COL8A1: variants seen among roughly 807,000 people sequenced by gnomAD.
COL8A1 encodes collagen alpha-1(VIII) chain.
Under a neutral mutation model 42.7 loss-of-function variants are expected in COL8A1, and 21 were observed. The ratio of observed to expected loss-of-function variants is 0.49; its 90% CI spans 0.35 to 0.71. The LOEUF (loss-of-function observed/expected upper bound fraction) is 0.71. Ranked by LOEUF, COL8A1 falls within the 30% of genes least tolerant of loss-of-function variation. The pLI is 0.01. For missense variants in COL8A1, 788 were observed against 962.4 expected, an observed-to-expected ratio of 0.82 and a Z score of 2.40; for synonymous variants, 367 against 369.1, an observed-to-expected ratio of 0.99 and a Z score of 0.06.
intron 1 of COL8A1, among the ~76,000 whole-genome samples, chr3:99,672,497 A>C (rs114133825): frequency 0.013 from 1,928 of 151,658 alleles, 38 homozygotes; most frequent in African/African-American, 0.043. Context: ...AAATTTTATA[A>C]AACATTTTCT....
intron 2 of COL8A1, among the ~76,000 whole-genome samples, chr3:99,770,927 GC>G (rs1318742912): frequency 1.3e-5 from 2 of 152,206 alleles, no homozygotes; most frequent in African/African-American, 4.8e-5. Context: ...TTTGCGCACT[GC>G]CTTCGCCAGA....
chr3:99,757,573 T>C (rs969157776), intron 2 of COL8A1, among the ~76,000 whole-genome samples: 10 of 152,210 alleles, frequency 6.6e-5, no homozygotes, highest in African/African-American at 2.4e-4. Flanking sequence ...AAGATCCATG[T>C]CTAAGATTCT....
rs531916343 is a variant in COL8A1 at position 99,761,055 on chromosome 3, G to A, written c.-4+16034G>A. On this transcript the variant is annotated intron_variant, in intron 2 of 3. Coordinates refer to ENST00000652472, the MANE Select transcript of COL8A1 (RefSeq NM_020351.4). ...GAGAGGTAGAAAATAGTCAAAGAACGTCTTCTAGTTTCACATTTGCTCTCC... is the reference window on the plus strand; with the variant it reads ...GAGAGGTAGAAAATAGTCAAAGAACATCTTCTAGTTTCACATTTGCTCTCC... Among the ~76,000 whole-genome samples, 10 of 152,192 alleles carry A rather than the reference G, an allele frequency of 6.6e-5. No individual in the cohort carries two copies. The South Asian group carries it at 1.0e-3, about 16-fold the overall frequency.
intron 2 of COL8A1, among the ~76,000 whole-genome samples, chr3:99,785,493 G>A (rs1941876558): frequency 6.6e-6 from 1 of 152,222 alleles, no homozygotes; most frequent in African/African-American, 2.4e-5. Flanking sequence ...GATGGAGAAG[G>A]TGGGGAAGGC....
chr3:99,737,390 G>A (rs1940758735), intron 1 of COL8A1, among the ~76,000 whole-genome samples: 1 of 151,914 alleles, frequency 6.6e-6, no homozygotes, highest in African/African-American at 2.4e-5. Flanking sequence ...CATATTTAGT[G>A]CTTCCTTCAG....
At chr3:99,730,088 C>A (rs1940456686) in intron 1 of COL8A1, among the ~76,000 whole-genome samples, 1 of 152,138 alleles carries the variant, frequency 6.6e-6, no homozygotes, top group Non-Finnish European at 1.5e-5. Context: ...CAGTTCCTTT[C>A]TTTTCCTGAT....
chr3:99,668,155 G>C (rs968295542), intron 1 of COL8A1, among the ~76,000 whole-genome samples: 1 of 151,978 alleles, frequency 6.6e-6, no homozygotes, highest in Non-Finnish European at 1.5e-5. Context: ...CTTTGGCAAT[G>C]CTATTATAAA....
chr3:99,792,667 C>T (rs147314522), intron 3 of COL8A1, among the ~76,000 whole-genome samples: 33 of 152,308 alleles, frequency 2.2e-4, no homozygotes, highest in East Asian at 1.2e-3. Context: ...CACAATCTCA[C>T]GCCAAGACCA....
intron 3 of COL8A1, among the ~76,000 whole-genome samples, chr3:99,793,193 G>GT (rs997045069): frequency 3.9e-5 from 6 of 152,214 alleles, no homozygotes; most frequent in Non-Finnish European, 8.8e-5. Context: ...GAAATAAGTT[G>GT]TTTTTTGGAT....
intron 2 of COL8A1, among the ~76,000 whole-genome samples, chr3:99,755,982 GA>G (rs1222052456): frequency 6.6e-6 from 1 of 151,992 alleles, no homozygotes; most frequent in Non-Finnish European, 1.5e-5. Context: ...GAGGAGATTG[GA>G]CTCCGCACAT....
In COL8A1 at chr3:99,796,216, A is replaced by G. The variant is rs1942106393; in HGVS notation, c.*80A>G. The G allele has an allele frequency of 8.5e-7, 1 of 1,178,778 alleles. No homozygotes were observed. 73.0% of individuals were successfully genotyped at this position (1,178,778 alleles called of 1,614,324 possible). On this transcript the variant is annotated 3_prime_UTR_variant, in exon 4 of 4. Coordinates refer to ENST00000652472, the MANE Select transcript of COL8A1 (RefSeq NM_020351.4). Reference sequence around the variant, plus strand: ...ACACCAAAAAATCCAAATGAAAAACATAATTGCTTCAAAACACTTACACAG... The same window carrying G: ...ACACCAAAAAATCCAAATGAAAAACGTAATTGCTTCAAAACACTTACACAG...
intron 3 of COL8A1, among the ~76,000 whole-genome samples, chr3:99,792,108 G>A (rs1440306013): frequency 1.3e-5 from 2 of 152,128 alleles, no homozygotes; most frequent in Non-Finnish European, 2.9e-5. Flanking sequence ...CAATTCGCTG[G>A]TTAGAAATAG....
chr3:99,742,839 T>C (rs1940931039), intron 1 of COL8A1, among the ~76,000 whole-genome samples: 1 of 152,194 alleles, frequency 6.6e-6, no homozygotes. Flanking sequence ...TATTATGCTA[T>C]GTATCTTCCC....
At chr3:99,731,538 G>A (rs561270167) in intron 1 of COL8A1, among the ~76,000 whole-genome samples, 1 of 152,208 alleles carries the variant, frequency 6.6e-6, no homozygotes, top group Admixed American at 6.5e-5. Flanking sequence ...GCCATGGGGA[G>A]CTATTGGGTA....
At chr3:99,730,601 C>T (rs561485416) in intron 1 of COL8A1, among the ~76,000 whole-genome samples, 4 of 152,110 alleles carry the variant, frequency 2.6e-5, no homozygotes, top group East Asian at 3.9e-4. Flanking sequence ...AAATGAAACA[C>T]TTTTTTCAAC....
intron 1 of COL8A1, among the ~76,000 whole-genome samples, chr3:99,742,880 A>C (rs1014194225): frequency 4.5e-4 from 68 of 152,332 alleles, no homozygotes; most frequent in African/African-American, 1.5e-3. Context: ...ACTAGAAAGA[A>C]AAAAAATGAA....
chr3:99,728,636 C>T (rs992845192), intron 1 of COL8A1, among the ~76,000 whole-genome samples: 4 of 151,764 alleles, frequency 2.6e-5, no homozygotes, highest in Admixed American at 2.0e-4. Flanking sequence ...TTAAACTTGC[C>T]CAATACAAAT....
chr3:99,712,252 C>G (rs1312548745), intron 1 of COL8A1, among the ~76,000 whole-genome samples: 1 of 152,088 alleles, frequency 6.6e-6, no homozygotes, highest in African/African-American at 2.4e-5. Flanking sequence ...AAAAAGATTC[C>G]AAACAATTCC....
intron 1 of COL8A1, among the ~76,000 whole-genome samples, chr3:99,706,388 A>G (rs1939681428): frequency 6.6e-6 from 1 of 152,124 alleles, no homozygotes; most frequent in Non-Finnish European, 1.5e-5. Context: ...TTTATTCCTT[A>G]CCTAGAACCC....
Sources: allele counts gnomAD v4.1 joint callset (sites outside exome capture counted in the v4.1 genomes callset), GRCh38; gene constraint gnomAD v4.1.1; transcripts MANE v1.5; gene names NCBI Gene and HGNC (gene_info 2026-07-23, HGNC 2026-07-21).